The following ROR1 variants were observed in gnomAD, a reference collection of about 807,000 sequenced individuals.
ROR1 encodes ROR family WNT receptor 1.
A neutral mutation model predicts 78.8 loss-of-function variants in ROR1; 19 were observed. The observed-to-expected ratio is 0.24, with a 90% CI of 0.17 to 0.35. The LOEUF (loss-of-function observed/expected upper bound fraction) is 0.35. Ranked by LOEUF, ROR1 falls within the 10% of genes least tolerant of loss-of-function variation. The probability of loss-of-function intolerance (pLI) is 1.00; values close to 1 mark genes in which losing one functional copy is unlikely to be tolerated. For missense variants in ROR1, 917 were observed against 1,177.8 expected (o/e 0.78, Z 3.24); for synonymous variants, 386 against 433.6 (o/e 0.89, Z 1.36).
At chr1:63,806,585 G>A (rs913943546) in intron 1 of ROR1, among the ~76,000 whole-genome samples, 15 of 152,172 alleles carry the variant, frequency 9.9e-5, no homozygotes, top group Non-Finnish European at 2.2e-4. Flanking sequence ...CCAAAGTGCT[G>A]GGATTACAGG....
At chr1:63,825,877 C>G (rs1285553002) in intron 1 of ROR1, among the ~76,000 whole-genome samples, 1 of 152,070 alleles carries the variant, frequency 6.6e-6, no homozygotes, top group Non-Finnish European at 1.5e-5. Context: ...GGAATGAATC[C>G]CAATCCAGTT....
intron 1 of ROR1, among the ~76,000 whole-genome samples, chr1:63,896,228 A>G (rs1197861375): frequency 2.0e-5 from 3 of 152,206 alleles, no homozygotes; most frequent in African/African-American, 2.4e-5. Flanking sequence ...TAATATAAAT[A>G]TACCCTTTCT....
intron 4 of ROR1, among the ~76,000 whole-genome samples, chr1:64,065,933 C>T (rs77770327): frequency 5.9e-4 from 90 of 152,312 alleles, no homozygotes; most frequent in African/African-American, 2.1e-3. Context: ...CCTTTCAACC[C>T]GCTTGGCCTT....
chr1:64,074,125 G>A (rs913185979), intron 4 of ROR1, among the ~76,000 whole-genome samples: 4 of 151,956 alleles, frequency 2.6e-5, no homozygotes, highest in Non-Finnish European at 2.9e-5. Context: ...TTTCCTTTGC[G>A]GAAAACCACC....
chr1:63,905,481 C>G (rs1209946766), intron 1 of ROR1, among the ~76,000 whole-genome samples: 1 of 152,096 alleles, frequency 6.6e-6, no homozygotes, highest in African/African-American at 2.4e-5. Context: ...GTGAAGAAAA[C>G]TAATCAACTT....
intron 1 of ROR1, among the ~76,000 whole-genome samples, chr1:63,968,943 G>A (rs943103080): frequency 6.6e-6 from 1 of 152,210 alleles, no homozygotes; most frequent in Non-Finnish European, 1.5e-5. Flanking sequence ...TAAGTGTTTT[G>A]TGATGGAGAG....
intron 4 of ROR1, among the ~76,000 whole-genome samples, chr1:64,077,235 G>A (rs1270480458): frequency 1.3e-5 from 2 of 152,180 alleles, no homozygotes; most frequent in South Asian, 4.1e-4. Context: ...GTTTTTAAAG[G>A]TTCTTTGATA....
At chr1:64,049,548 A>T (rs1198896952) in intron 2 of ROR1, 143 bp from the exon 3 acceptor site, 2 of 736,382 alleles carry the variant, frequency 2.7e-6, no homozygotes, top group African/African-American at 3.5e-5. Flanking sequence ...AATCAATGTG[A>T]TTGTTTCTTT....
At chr1:64,118,095 C>T (rs951189551) in intron 4 of ROR1, among the ~76,000 whole-genome samples, 40 of 152,134 alleles carry the variant, frequency 2.6e-4, no homozygotes, top group African/African-American at 8.4e-4. Flanking sequence ...CCCAGCTACC[C>T]GGGAGGCTAA....
intron 4 of ROR1, among the ~76,000 whole-genome samples, chr1:64,074,922 G>A (rs56134349): frequency 3.3e-5 from 5 of 152,294 alleles, no homozygotes; most frequent in African/African-American, 4.8e-5. Flanking sequence ...GATAACCTAC[G>A]TGGGAGCCCT....
chr1:63,882,359 C>T (rs1645328664), intron 1 of ROR1, among the ~76,000 whole-genome samples: 3 of 152,122 alleles, frequency 2.0e-5, no homozygotes, highest in Admixed American at 2.0e-4. Flanking sequence ...GAAAAGAAGG[C>T]ACTGATGGCA....
chr1:63,832,163 G>A (rs1163512494), intron 1 of ROR1, among the ~76,000 whole-genome samples: 2 of 152,200 alleles, frequency 1.3e-5, no homozygotes, highest in East Asian at 3.9e-4. Context: ...CATTAAACAA[G>A]TCTCTAGGAA....
intron 1 of ROR1, among the ~76,000 whole-genome samples, chr1:63,905,321 T>A (rs898135245): frequency 3.9e-5 from 6 of 152,234 alleles, no homozygotes; most frequent in Admixed American, 2.6e-4. Context: ...AGGTATTTTT[T>A]AAAATTATGC....
chr1:63,906,849 TTTATTC>T (rs1263929508), intron 1 of ROR1, among the ~76,000 whole-genome samples: 1 of 151,974 alleles, frequency 6.6e-6, no homozygotes, highest in African/African-American at 2.4e-5. Context: ...CACGTGAAAC[TTTATTC>T]TTATTTTTTT....
At chr1:63,898,095 C>T (rs945589125) in intron 1 of ROR1, among the ~76,000 whole-genome samples, 13 of 152,190 alleles carry the variant, frequency 8.5e-5, no homozygotes, top group African/African-American at 3.1e-4. Context: ...CCTTGCTGGT[C>T]TCATCCCAGC....
intron 1 of ROR1, among the ~76,000 whole-genome samples, chr1:63,929,018 G>A (rs1368294923): frequency 6.6e-6 from 1 of 152,204 alleles, no homozygotes; most frequent in Non-Finnish European, 1.5e-5. Flanking sequence ...AAAAGGATTA[G>A]TATTTAAAGA....
At chr1:63,824,650 G>T (rs1644943097) in intron 1 of ROR1, among the ~76,000 whole-genome samples, 1 of 152,094 alleles carries the variant, frequency 6.6e-6, no homozygotes, top group Non-Finnish European at 1.5e-5. Context: ...ATTGAGTTTA[G>T]CTGAGGCTTG....
chr1:63,810,935 ACTC>A (rs1644856566), intron 1 of ROR1, among the ~76,000 whole-genome samples: 1 of 152,194 alleles, frequency 6.6e-6, no homozygotes, highest in African/African-American at 2.4e-5. Context: ...AAAGGCCAGA[ACTC>A]CTGAATGTGG....
chr1:64,130,175 G>T (rs576043837), intron 4 of ROR1, among the ~76,000 whole-genome samples: 1 of 152,226 alleles, frequency 6.6e-6, no homozygotes, highest in African/African-American at 2.4e-5. Context: ...TGCTTACAAA[G>T]GCATTCCAAT....
Sources: gnomAD v4.1 joint callset for allele counts (sites outside exome capture counted in the v4.1 genomes callset) on GRCh38, gnomAD v4.1.1 for gene constraint, MANE v1.5 for transcripts, NCBI Gene and HGNC (gene_info 2026-07-23, HGNC 2026-07-21) for gene names.